Variants in GOLT1B observed in about 807,000 individuals in gnomAD.
GOLT1B encodes the protein vesicle transport protein GOT1B.
In GOLT1B, 3 loss-of-function variants were observed where a neutral mutation model predicts 15.4. The observed-to-expected ratio is 0.19, with a 90% CI of 0.09 to 0.50. The LOEUF is 0.50. Ranked by LOEUF, GOLT1B falls within the 20% of genes least tolerant of loss-of-function variation. The pLI is 0.97. For synonymous variants in GOLT1B, 65 were observed against 56.2 expected, an observed-to-expected ratio of 1.16 and a Z score of -0.70; for missense variants, 145 against 160.4, an observed-to-expected ratio of 0.90 and a Z score of 0.52.
chr12:21,513,823 A>G (rs915264574), intron 4 of GOLT1B, among the ~76,000 whole-genome samples: 2 of 152,218 alleles, frequency 1.3e-5, no homozygotes, highest in African/African-American at 2.4e-5. Flanking sequence ...GAGAAAGGAA[A>G]GGAGAAAGGG....
intron 3 of GOLT1B, among the ~76,000 whole-genome samples, chr12:21,508,773 C>A (rs11046093): frequency 6.6e-6 from 1 of 152,066 alleles, no homozygotes; most frequent in East Asian, 1.9e-4. Context: ...CTTGTTTTGT[C>A]AGCACAATAA....
chr12:21,501,974 C>T (rs1411762926), intron 1 of GOLT1B, 26 bp downstream of exon 1: 1 of 1,570,500 alleles, frequency 6.4e-7, no homozygotes, highest in South Asian at 1.1e-5. Flanking sequence ...GGGGCCCCCG[C>T]CTCGAGCCGC....
intron 1 of GOLT1B, among the ~76,000 whole-genome samples, chr12:21,502,391 A>T (rs56256037): frequency 0.026 from 3,958 of 152,298 alleles, 62 homozygotes; most frequent in Middle Eastern, 0.037. Context: ...GGGAGGCGGT[A>T]TTTTAAATGT....
chr12:21,513,486 T>C (rs916431305), intron 4 of GOLT1B, among the ~76,000 whole-genome samples: 1 of 151,922 alleles, frequency 6.6e-6, no homozygotes, highest in African/African-American at 2.4e-5. Flanking sequence ...TCATAGCATT[T>C]ACCTCTGTTT....
chr12:21,509,716 G>C (rs1943706333), intron 3 of GOLT1B, among the ~76,000 whole-genome samples: 1 of 152,126 alleles, frequency 6.6e-6, no homozygotes, highest in Non-Finnish European at 1.5e-5. Flanking sequence ...CTGATAAACT[G>C]GGCTTTGAAG....
intron 4 of GOLT1B, among the ~76,000 whole-genome samples, chr12:21,514,819 T>A (rs1412237592): frequency 6.6e-6 from 1 of 152,162 alleles, no homozygotes; most frequent in East Asian, 1.9e-4. Flanking sequence ...ATAGAATATG[T>A]TTCTTATCGT....
chr12:21,510,821 AC>A (rs1943714251), intron 3 of GOLT1B, among the ~76,000 whole-genome samples: 1 of 152,148 alleles, frequency 6.6e-6, no homozygotes, highest in South Asian at 2.1e-4. Context: ...CAGATCCATA[AC>A]AGAATCTTAT....
intron 3 of GOLT1B, among the ~76,000 whole-genome samples, chr12:21,508,919 A>AGATAGATAGATCGATC (rs1555149887): frequency 2.0e-4 from 31 of 151,390 alleles, no homozygotes; most frequent in Non-Finnish European, 3.5e-4. Flanking sequence ...ATAGATAGAT[A>AGATAGATAGATCGATC]GATCCAGCAT....
intron 4 of GOLT1B, among the ~76,000 whole-genome samples, chr12:21,514,868 G>A (rs1228954886): frequency 4.6e-5 from 7 of 151,822 alleles, no homozygotes; most frequent in African/African-American, 1.2e-4. Context: ...CATGTGAATC[G>A]TGAAACAAAA....
intron 4 of GOLT1B, among the ~76,000 whole-genome samples, chr12:21,513,544 C>T (rs1943735296): frequency 6.6e-6 from 1 of 152,026 alleles, no homozygotes; most frequent in Non-Finnish European, 1.5e-5. Flanking sequence ...AACTCTTGGG[C>T]TCAAGCAATG....
intron 3 of GOLT1B, among the ~76,000 whole-genome samples, chr12:21,509,753 G>A (rs528313664): frequency 5.9e-5 from 9 of 152,244 alleles, no homozygotes; most frequent in African/African-American, 1.9e-4. Context: ...TCCTATAAAC[G>A]AGAAAGGGAA....
rs1943761382 is a variant in GOLT1B, at chr12:21,517,054, A to G, written c.*1347A>G. 6.6e-6 allele frequency: 1 copy of G among 152,498 alleles called. No homozygotes were observed. The highest frequency in any genetic ancestry group is 2.4e-5 in the African/African-American group (1 of 41,456). 9.4% of individuals were successfully genotyped at this position (152,498 alleles called of 1,614,324 possible). ...CATAGTACTATTTGTTTTACCACTG[A>G]TTGCACTGTTTTGTTTTTTTAACAG... On this transcript the variant is annotated 3_prime_UTR_variant, in exon 5 of 5. Transcript: ENST00000229314.
intron 2 of GOLT1B, chr12:21,507,342 G>A: frequency 4.8e-6 from 1 of 208,342 alleles, no homozygotes; most frequent in Non-Finnish European, 9.8e-6. Flanking sequence ...TGATTCAGCT[G>A]CATAAGATAG....
chr12:21,511,066 A>T (rs1454827046), intron 3 of GOLT1B, among the ~76,000 whole-genome samples: 1 of 152,176 alleles, frequency 6.6e-6, no homozygotes, highest in East Asian at 1.9e-4. Flanking sequence ...GCTCCAGATC[A>T]CACAGGTTGA....
At chr12:21,507,999 A>T in intron 2 of GOLT1B, 1 of 449,418 alleles carries the variant, frequency 2.2e-6, no homozygotes, top group Non-Finnish European at 4.4e-6. Flanking sequence ...CCCTTGGGTG[A>T]CATATTTATG....
intron 3 of GOLT1B, among the ~76,000 whole-genome samples, chr12:21,509,395 T>G (rs1943702962): frequency 3.5e-5 from 1 of 28,256 alleles, no homozygotes; most frequent in Admixed American, 5.7e-4. Flanking sequence ...AGACTCTGTC[T>G]CAAAAAAAAA....
chr12:21,501,825 G>C lies in GOLT1B; in HGVS notation c.-99G>C. ...CTGCGTGTTTCCGGAAGACGTGGCGGCTCTCGCCTGGGCTGTTTCCCGGCT... is the reference window on the plus strand; with the variant it reads ...CTGCGTGTTTCCGGAAGACGTGGCGCCTCTCGCCTGGGCTGTTTCCCGGCT... On this transcript the variant is annotated 5_prime_UTR_variant, in exon 1 of 5. Transcript: ENST00000229314. 1.2e-6 allele frequency: 1 copy of C among 820,302 alleles called. No homozygotes were observed. The highest frequency in any genetic ancestry group is 2.1e-6 in the Non-Finnish European group (1 of 476,382). The allele number at this position is 820,302 out of a possible 1,614,324, so 50.8% of individuals were successfully genotyped here.
intron 4 of GOLT1B, 23 bp from the exon 5 acceptor site, chr12:21,515,646 C>T: frequency 8.2e-7 from 1 of 1,221,698 alleles, no homozygotes; most frequent in Non-Finnish European, 1.2e-6. Context: ...TTCTTTAATT[C>T]TCTGTTTTTC....
intron 2 of GOLT1B, 151 bp from the exon 3 acceptor site, chr12:21,508,232 G>T: frequency 1.7e-6 from 1 of 596,378 alleles, no homozygotes; most frequent in Admixed American, 3.3e-5. Context: ...TCTGCTGCTT[G>T]GTTGTACATT....
Sources: gnomAD v4.1 joint callset for allele counts (sites outside exome capture counted in the v4.1 genomes callset) on GRCh38, gnomAD v4.1.1 for gene constraint, MANE v1.5 for transcripts, NCBI Gene and HGNC (gene_info 2026-07-23, HGNC 2026-07-21) for gene names.